Variants in SPMAP2L observed in about 807,000 individuals in gnomAD.
SPMAP2L encodes the protein sperm microtubule associated protein 2-like.
At chr4:56,591,309 G>C in the SPMAP2L span, among the ~76,000 whole-genome samples, 2 of 152,084 alleles carry the variant, frequency 1.3e-5, no homozygotes, top group Non-Finnish European at 2.9e-5. Flanking sequence ...ATTTCCTGAG[G>C]CCTCCCCAGC....
the SPMAP2L span, among the ~76,000 whole-genome samples, chr4:56,554,973 C>T: frequency 8.1e-5 from 10 of 123,290 alleles, no homozygotes; most frequent in Admixed American, 7.8e-4. Flanking sequence ...GAATTTCACT[C>T]TTGTTGCTCA....
At chr4:56,573,615 C>T in the SPMAP2L span, among the ~76,000 whole-genome samples, 1 of 152,166 alleles carries the variant, frequency 6.6e-6, no homozygotes, top group Non-Finnish European at 1.5e-5. Context: ...TCACCACTTC[C>T]TTCTGTATTT....
the SPMAP2L span, among the ~76,000 whole-genome samples, chr4:56,618,722 G>A: frequency 6.6e-6 from 1 of 152,138 alleles, no homozygotes; most frequent in African/African-American, 2.4e-5. Flanking sequence ...ATTTGGGTGG[G>A]GACACAGCCA....
At chr4:56,539,460 T>C in the SPMAP2L span, among the ~76,000 whole-genome samples, 78,720 of 151,928 alleles carry the variant, frequency 0.52, 21,007 homozygotes, top group East Asian at 0.64. Context: ...TTGCTCTTGT[T>C]GCCAAGGCTG....
the SPMAP2L span, among the ~76,000 whole-genome samples, chr4:56,590,523 G>C: frequency 1.3e-5 from 2 of 152,188 alleles, no homozygotes; most frequent in Non-Finnish European, 2.9e-5. Flanking sequence ...GTAGTATCGA[G>C]GAAGAATATC....
the SPMAP2L span, among the ~76,000 whole-genome samples, chr4:56,580,420 A>G: frequency 6.6e-6 from 1 of 152,234 alleles, no homozygotes; most frequent in Admixed American, 6.5e-5. Flanking sequence ...GACAAAATTC[A>G]AGATACTTTT....
At chr4:56,626,149 A>T in the SPMAP2L span, among the ~76,000 whole-genome samples, 1 of 152,264 alleles carries the variant, frequency 6.6e-6, no homozygotes, top group Non-Finnish European at 1.5e-5. Flanking sequence ...AGATGAAGAT[A>T]AGGAAAAGAA....
chr4:56,549,816 C>T, the SPMAP2L span, among the ~76,000 whole-genome samples: 5 of 152,176 alleles, frequency 3.3e-5, no homozygotes, highest in Non-Finnish European at 5.9e-5. Flanking sequence ...GTATGTAAAA[C>T]ATAAATGAAT....
the SPMAP2L span, among the ~76,000 whole-genome samples, chr4:56,580,984 T>A: frequency 6.6e-6 from 1 of 152,110 alleles, no homozygotes; most frequent in African/African-American, 2.4e-5. Context: ...TTGAGGACAC[T>A]ATGCTGAGTT....
At chr4:56,531,270 G>A in the SPMAP2L span, 4 of 1,404,772 alleles carry the variant, frequency 2.8e-6, no homozygotes, top group African/African-American at 2.9e-5. Context: ...GGGTCCTAAG[G>A]TGGAGGTTTG....
At chr4:56,594,404 G>A in the SPMAP2L span, 1 of 1,590,522 alleles carries the variant, frequency 6.3e-7, no homozygotes, top group Non-Finnish European at 8.6e-7. Flanking sequence ...CCACCCCTTT[G>A]TGCCTCTGGA....
the SPMAP2L span, among the ~76,000 whole-genome samples, chr4:56,618,652 C>T: frequency 6.6e-6 from 1 of 152,174 alleles, no homozygotes; most frequent in Non-Finnish European, 1.5e-5. Flanking sequence ...GATTCAATTA[C>T]CTCCCACTTG....
the SPMAP2L span, chr4:56,531,212 T>TC: frequency 1.3e-6 from 2 of 1,481,926 alleles, no homozygotes; most frequent in Non-Finnish European, 9.0e-7. Flanking sequence ...GCTTCTCCCT[T>TC]CCCCTCATTC....
chr4:56,596,278 C>T, the SPMAP2L span, among the ~76,000 whole-genome samples: 1 of 150,954 alleles, frequency 6.6e-6, no homozygotes, highest in African/African-American at 2.5e-5. Flanking sequence ...CAAAACACAA[C>T]AACAAAAAAA....
the SPMAP2L span, among the ~76,000 whole-genome samples, chr4:56,564,340 G>A: frequency 0.84 from 127,359 of 152,026 alleles, 53,987 homozygotes; most frequent in African/African-American, 0.95. Flanking sequence ...GAGTTTCACC[G>A]TGTTGGTCTG....
chr4:56,552,946 T>C, the SPMAP2L span, among the ~76,000 whole-genome samples: 1 of 152,096 alleles, frequency 6.6e-6, no homozygotes, highest in Non-Finnish European at 1.5e-5. Context: ...CTCAGGGGTG[T>C]GACTGCACAC....
the SPMAP2L span, among the ~76,000 whole-genome samples, chr4:56,576,641 G>A: frequency 1.3e-5 from 2 of 152,186 alleles, no homozygotes; most frequent in African/African-American, 4.8e-5. Context: ...GACAGCTTGA[G>A]TCTTTTGCAT....
the SPMAP2L span, among the ~76,000 whole-genome samples, chr4:56,541,677 T>C: frequency 2.0e-5 from 3 of 152,206 alleles, no homozygotes; most frequent in African/African-American, 4.8e-5. Flanking sequence ...GACAAATTTG[T>C]TTTAAAGAAA....
the SPMAP2L span, among the ~76,000 whole-genome samples, chr4:56,592,485 T>C: frequency 6.6e-6 from 1 of 152,254 alleles, no homozygotes; most frequent in African/African-American, 2.4e-5. Flanking sequence ...GTGTCTTGGT[T>C]GAGCGCAGCG....
Sources: gnomAD v4.1 joint callset for allele counts (sites outside exome capture counted in the v4.1 genomes callset) on GRCh38, gnomAD v4.1.1 for gene constraint, MANE v1.5 for transcripts, NCBI Gene and HGNC (gene_info 2026-07-23, HGNC 2026-07-21) for gene names.